ADGRL3: variants seen among roughly 807,000 people sequenced by gnomAD.
ADGRL3 encodes the protein calcium-independent alpha-latrotoxin receptor 3.
Under a neutral mutation model 153.5 loss-of-function variants are expected in ADGRL3, and 62 were observed. The ratio of observed to expected loss-of-function variants is 0.40; its 90% CI spans 0.33 to 0.50. The LOEUF is 0.50. Among genes scored for constraint, ADGRL3 ranks in the 20% least tolerant of loss-of-function variants. The pLI, the probability that ADGRL3 is intolerant of heterozygous loss-of-function variation, is 0.47. For synonymous variants in ADGRL3, 710 were observed against 672.5 expected, an observed-to-expected ratio of 1.06 and a Z score of -0.86; for missense variants, 1,641 against 1,859.4, an observed-to-expected ratio of 0.88 and a Z score of 2.16.
chr4:61,906,986 T>A (rs2098698859), intron 11 of ADGRL3, among the ~76,000 whole-genome samples: 1 of 152,250 alleles, frequency 6.6e-6, no homozygotes, highest in Non-Finnish European at 1.5e-5. Context: ...TCCCATGTTC[T>A]GTGTTGGACT....
chr4:61,429,471 T>C (rs778441942), intron 2 of ADGRL3, among the ~76,000 whole-genome samples: 1 of 152,156 alleles, frequency 6.6e-6, no homozygotes, highest in Admixed American at 6.5e-5. Context: ...ATGTATCTTT[T>C]TATATCCCAA....
chr4:61,520,831 C>T (rs2098526654), intron 4 of ADGRL3, among the ~76,000 whole-genome samples: 1 of 151,692 alleles, frequency 6.6e-6, no homozygotes, highest in Non-Finnish European at 1.5e-5. Flanking sequence ...TCCTGTGAAA[C>T]CAGTTTTTCT....
At chr4:61,694,193 T>A (rs903399065) in intron 6 of ADGRL3, among the ~76,000 whole-genome samples, 4 of 49,400 alleles carry the variant, frequency 8.1e-5, no homozygotes, top group African/African-American at 4.4e-4. Flanking sequence ...TTTTTTTTTT[T>A]TTTTTTTTTT....
intron 9 of ADGRL3, among the ~76,000 whole-genome samples, chr4:61,865,596 G>T (rs1291466117): frequency 6.6e-6 from 1 of 152,172 alleles, no homozygotes; most frequent in African/African-American, 2.4e-5. Context: ...TCAGTGTACA[G>T]TTCCAGATGA....
In ADGRL3 at chr4:61,517,360, G is replaced by A; in HGVS notation, c.101G>A (p.Arg34Gln). ...ERHPALAAPLRHAERSPGGAL... is the reference protein window; with the variant it reads ...ERHPALAAPLQHAERSPGGAL... ...CATCCTGCCCTTGCTGCTCCATTGC[G>A]ACACGCTGAGCGCAGCCCAGGAGGC... The change falls in exon 4 of 27, where the codon CGA (arginine) becomes CAA (glutamine). Residue 34 changes from arginine (R) to glutamine (Q), a missense_variant. Arg to Gln is a conservative substitution (Grantham distance 43). Around this residue, in one of 5 missense-constraint regions of ADGRL3, gnomAD observed 145 missense variants for 79.1 expected, o/e 1.83. Transcript: ENST00000683033. 1 of 706,394 alleles carries A rather than the reference G, an allele frequency of 1.4e-6. No homozygotes were observed. The highest frequency in any genetic ancestry group is 2.6e-6 in the Non-Finnish European group (1 of 388,234). The allele number at this position is 706,394 out of a possible 1,614,324, so 43.8% of individuals were successfully genotyped here. A position where few individuals can be genotyped will look rare whatever the true frequency, so the allele number is the denominator to read the frequency against.
intron 9 of ADGRL3, among the ~76,000 whole-genome samples, chr4:61,829,484 A>C (rs2148840200): frequency 6.6e-6 from 1 of 152,310 alleles, no homozygotes; most frequent in Admixed American, 6.5e-5. Context: ...CAATTATGTT[A>C]ATGCCCGTAT....
intron 5 of ADGRL3, among the ~76,000 whole-genome samples, chr4:61,597,619 C>G (rs984155850): frequency 3.3e-5 from 5 of 150,300 alleles, no homozygotes. Context: ...CATTTAGTAA[C>G]ATTGACTTTT....
intron 9 of ADGRL3, among the ~76,000 whole-genome samples, chr4:61,881,356 ATTTCCAAACATGGAGGATAATTTTCTT>A (rs2098507174): frequency 6.6e-6 from 1 of 152,166 alleles, no homozygotes. Flanking sequence ...TAAATTTTCT[ATTTCCAAACATGGAGGATAATTTTCTT>A]TTTCTTTTTT....
chr4:61,552,533 G>A (rs191817025), intron 4 of ADGRL3, among the ~76,000 whole-genome samples: 38 of 152,020 alleles, frequency 2.5e-4, no homozygotes, highest in African/African-American at 8.9e-4. Context: ...GTACAATGAC[G>A]GCTCACTGCA....
intron 1 of ADGRL3, among the ~76,000 whole-genome samples, chr4:61,324,305 A>G (rs1436636924): frequency 6.6e-6 from 1 of 152,200 alleles, no homozygotes; most frequent in Non-Finnish European, 1.5e-5. Flanking sequence ...TGTACCTACT[A>G]AATCAAATAC....
chr4:61,530,686 G>A (rs867894564), intron 4 of ADGRL3, among the ~76,000 whole-genome samples: 22 of 152,108 alleles, frequency 1.4e-4, no homozygotes, highest in Admixed American at 8.5e-4. Context: ...CTATAGTGCT[G>A]CATTAATTTT....
At chr4:62,030,485 C>A (rs1030904404) in intron 22 of ADGRL3, among the ~76,000 whole-genome samples, 8 of 151,412 alleles carry the variant, frequency 5.3e-5, no homozygotes, top group African/African-American at 1.7e-4. Flanking sequence ...GTTATGAGTC[C>A]CATCTGTTGC....
chr4:61,372,373 G>T (rs2096544210), intron 1 of ADGRL3, among the ~76,000 whole-genome samples: 3 of 151,830 alleles, frequency 2.0e-5, no homozygotes, highest in Admixed American at 2.0e-4. Context: ...ATCTACTTTT[G>T]GTCTTTGATG....
intron 25 of ADGRL3, among the ~76,000 whole-genome samples, chr4:62,046,470 A>G (rs1195797389): frequency 6.6e-6 from 1 of 151,862 alleles, no homozygotes; most frequent in African/African-American, 2.4e-5. Flanking sequence ...TGATTTGTGG[A>G]TAACTGGATC....
chr4:61,433,169 C>G (rs1045993282), intron 2 of ADGRL3, among the ~76,000 whole-genome samples: 1 of 151,830 alleles, frequency 6.6e-6, no homozygotes, highest in Non-Finnish European at 1.5e-5. Flanking sequence ...TTCTTATTTT[C>G]GTTTGAATTG....
At chr4:61,868,084 T>C (rs1013431963) in intron 9 of ADGRL3, among the ~76,000 whole-genome samples, 10 of 152,180 alleles carry the variant, frequency 6.6e-5, no homozygotes, top group Non-Finnish European at 1.2e-4. Flanking sequence ...AAATTTAAAT[T>C]GAATCGTATA....
rs189457833 is a variant in ADGRL3 at position 61,818,817 on chromosome 4, A to G, written c.1480+4928A>G. Among the ~76,000 whole-genome samples, 154 of 152,274 alleles carry G rather than the reference A, an allele frequency of 1.0e-3. No homozygotes were observed. In the Middle Eastern group the frequency reaches 0.017, roughly 17 times the overall value. ...ACTCTCCTAAATTGTTCTGTGATTAATTGTTCAATCCAATTGCAGTTATAA... is the reference window on the plus strand; with the variant it reads ...ACTCTCCTAAATTGTTCTGTGATTAGTTGTTCAATCCAATTGCAGTTATAA... On this transcript the variant is annotated intron_variant, in intron 9 of 26. Transcript: ENST00000683033.
intron 1 of ADGRL3, among the ~76,000 whole-genome samples, chr4:61,330,048 T>C (rs1367961396): frequency 6.6e-6 from 1 of 152,228 alleles, no homozygotes; most frequent in African/African-American, 2.4e-5. Context: ...TGGTTATCTT[T>C]GCATTGTGCA....
chr4:61,651,222 T>G (rs2094236465), intron 5 of ADGRL3, among the ~76,000 whole-genome samples: 3 of 152,320 alleles, frequency 2.0e-5, no homozygotes, highest in Admixed American at 2.0e-4. Context: ...ACTCTATTTT[T>G]GGGATCATAT....
Sources: gnomAD v4.1 joint callset for allele counts (sites outside exome capture counted in the v4.1 genomes callset) on GRCh38, gnomAD v4.1.1 for gene constraint, gnomAD v4.1.1 regional missense constraint, MANE v1.5 for transcripts, NCBI Gene and HGNC (gene_info 2026-07-23, HGNC 2026-07-21) for gene names.